The following CTNNBL1 variants were observed in gnomAD, a reference collection of about 807,000 sequenced individuals.
The protein encoded by CTNNBL1 is catenin beta like 1.
In CTNNBL1, 31 loss-of-function variants were observed where a neutral mutation model predicts 72.7. The ratio of observed to expected loss-of-function variants is 0.43; its 90% CI spans 0.32 to 0.58. The LOEUF (loss-of-function observed/expected upper bound fraction) is 0.58, where lower values mean the gene tolerates loss of function less well. Ranked by LOEUF, CTNNBL1 falls within the 20% of genes least tolerant of loss-of-function variation. The pLI, the probability that CTNNBL1 is intolerant of heterozygous loss-of-function variation, is 0.08. For missense variants in CTNNBL1, 534 were observed against 725.1 expected (o/e 0.74, Z 3.03); for synonymous variants, 240 against 267.3 (o/e 0.90, Z 1.00).
intron 4 of CTNNBL1, among the ~76,000 whole-genome samples, chr20:37,754,036 TGAC>T (rs1230190172): frequency 6.6e-6 from 1 of 152,156 alleles, no homozygotes; most frequent in African/African-American, 2.4e-5. Flanking sequence ...AAGATGAATA[TGAC>T]ATGACCCTTG....
intron 13 of CTNNBL1, among the ~76,000 whole-genome samples, chr20:37,854,478 C>G (rs1256088647): frequency 6.6e-6 from 1 of 151,786 alleles, no homozygotes; most frequent in Non-Finnish European, 1.5e-5. Flanking sequence ...CTGCCACCCA[C>G]TAGCCTTGAG....
At chr20:37,846,701 C>T (rs1018906228) in intron 13 of CTNNBL1, among the ~76,000 whole-genome samples, 1 of 152,080 alleles carries the variant, frequency 6.6e-6, no homozygotes, top group East Asian at 1.9e-4. Flanking sequence ...CTTGACTCTT[C>T]CCTGCTTCTC....
intron 11 of CTNNBL1, among the ~76,000 whole-genome samples, chr20:37,806,595 G>A (rs1445121197): frequency 1.3e-5 from 2 of 152,206 alleles, no homozygotes; most frequent in African/African-American, 4.8e-5. Flanking sequence ...TCAAGTGCAT[G>A]CGCAATGGGT....
At chr20:37,780,680 T>G (rs1172614014) in intron 10 of CTNNBL1, among the ~76,000 whole-genome samples, 1 of 152,174 alleles carries the variant, frequency 6.6e-6, no homozygotes, top group Non-Finnish European at 1.5e-5. Flanking sequence ...TATAACAAAT[T>G]CTACAGTGAC....
In CTNNBL1 at chr20:37,838,091, A is replaced by G. The variant is rs1408030045; in HGVS notation, c.1214-2011A>G. On this transcript the variant is annotated intron_variant, in intron 11 of 15. Transcript: ENST00000361383. ...TAAAACCAGATTTAAAGAGTAAGTCATGCAGATAATCTGCCGCGGAACATT... is the reference window on the plus strand; with the variant it reads ...TAAAACCAGATTTAAAGAGTAAGTCGTGCAGATAATCTGCCGCGGAACATT... Among the ~76,000 whole-genome samples, 4 of 152,348 alleles carry G rather than the reference A, an allele frequency of 2.6e-5. No individual in the cohort carries two copies. The East Asian group carries it at 7.7e-4, about 29-fold the overall frequency.
At chr20:37,850,254 A>G (rs2072384921) in intron 13 of CTNNBL1, among the ~76,000 whole-genome samples, 1 of 152,062 alleles carries the variant, frequency 6.6e-6, no homozygotes, top group South Asian at 2.1e-4. Context: ...GTAAATTTAG[A>G]ATTTGCATCA....
chr20:37,745,980 C>T (rs2073258382), intron 3 of CTNNBL1, among the ~76,000 whole-genome samples: 1 of 152,058 alleles, frequency 6.6e-6, no homozygotes, highest in Admixed American at 6.6e-5. Context: ...TGAATCAGCT[C>T]CAAAGAGGAG....
intron 1 of CTNNBL1, among the ~76,000 whole-genome samples, chr20:37,728,998 G>A (rs901211695): frequency 6.6e-6 from 1 of 152,216 alleles, no homozygotes; most frequent in African/African-American, 2.4e-5. Flanking sequence ...ACACGACCCT[G>A]TTGGAAGCCT....
intron 1 of CTNNBL1, among the ~76,000 whole-genome samples, chr20:37,699,589 A>G (rs779482236): frequency 6.6e-6 from 1 of 152,254 alleles, no homozygotes; most frequent in Non-Finnish European, 1.5e-5. Context: ...TGAATAATAC[A>G]TACATCTTAT....
chr20:37,748,990 C>A (rs1196936894), intron 4 of CTNNBL1, among the ~76,000 whole-genome samples: 3 of 152,226 alleles, frequency 2.0e-5, no homozygotes, highest in African/African-American at 7.2e-5. Context: ...CATTTCAGTT[C>A]ACCTACAGAA....
chr20:37,754,355 A>G (rs538048899), intron 4 of CTNNBL1, among the ~76,000 whole-genome samples: 1 of 143,540 alleles, frequency 7.0e-6, no homozygotes, highest in East Asian at 2.0e-4. Context: ...TCCTGGACTC[A>G]GGCAATCCTC....
chr20:37,694,071 C>G lies in CTNNBL1; in HGVS notation c.-52C>G, dbSNP rs374343096. On this transcript the variant is annotated 5_prime_UTR_variant, in exon 1 of 16. Transcript: ENST00000361383. ...TGGCTGGAGCCGCGGCTGACGGGCC[C>G]GCGGTCTGGGCGTGAGTGCAGGGAA... 5.7e-6 allele frequency: 9 copies of G among 1,586,882 alleles called. No homozygotes were observed. The highest frequency in any genetic ancestry group is 1.8e-5 in the Admixed American group (1 of 54,874).
chr20:37,710,898 G>A (rs2072931516), intron 1 of CTNNBL1, among the ~76,000 whole-genome samples: 1 of 152,034 alleles, frequency 6.6e-6, no homozygotes, highest in South Asian at 2.1e-4. Flanking sequence ...CCTGACTCTT[G>A]GCTCTCTGTC....
chr20:37,733,525 C>T (rs184156188), intron 2 of CTNNBL1, among the ~76,000 whole-genome samples: 3 of 152,244 alleles, frequency 2.0e-5, no homozygotes, highest in Admixed American at 6.5e-5. Flanking sequence ...GGAGATTCCT[C>T]GGGCCTTTCC....
chr20:37,868,201 C>T (rs563950575), intron 15 of CTNNBL1, among the ~76,000 whole-genome samples: 224 of 152,154 alleles, frequency 1.5e-3, no homozygotes, highest in Admixed American at 1.8e-3. Flanking sequence ...GTTTTTTTTC[C>T]CAAAGACTAG....
chr20:37,849,850 C>T (rs1487721522), intron 13 of CTNNBL1, among the ~76,000 whole-genome samples: 1 of 152,232 alleles, frequency 6.6e-6, no homozygotes, highest in South Asian at 2.1e-4. Context: ...CTCTCTGCTT[C>T]AGTTTCTTCA....
chr20:37,815,391 C>T (rs1600505374), intron 11 of CTNNBL1, among the ~76,000 whole-genome samples: 1 of 151,140 alleles, frequency 6.6e-6, no homozygotes, highest in East Asian at 1.9e-4. Context: ...CATCTCAGCT[C>T]ACTGCAACCT....
At chr20:37,839,595 C>T (rs1281735558) in intron 11 of CTNNBL1, among the ~76,000 whole-genome samples, 25 of 152,150 alleles carry the variant, frequency 1.6e-4, no homozygotes, top group African/African-American at 1.4e-4. Flanking sequence ...AAACTTGAAG[C>T]GGGGATGTTA....
At chr20:37,802,725 A>AT in intron 10 of CTNNBL1, 142 bp from the exon 11 acceptor site, 1 of 598,060 alleles carries the variant, frequency 1.7e-6, no homozygotes. Context: ...ACCCTATTGT[A>AT]GACGTCTTCT....
Sources: gnomAD v4.1 joint callset for allele counts (sites outside exome capture counted in the v4.1 genomes callset) on GRCh38, gnomAD v4.1.1 for gene constraint, MANE v1.5 for transcripts, NCBI Gene and HGNC (gene_info 2026-07-23, HGNC 2026-07-21) for gene names.